The following MYO9A variants were observed in gnomAD, a reference collection of about 807,000 sequenced individuals.
The protein encoded by MYO9A is myosin IXA, also known as unconventional myosin-IXa.
A neutral mutation model predicts 293.3 loss-of-function variants in MYO9A; 103 were observed. The ratio of observed to expected loss-of-function variants is 0.35; its 90% CI spans 0.30 to 0.41. The LOEUF (loss-of-function observed/expected upper bound fraction) is 0.41, where lower values mean the gene tolerates loss of function less well. Among genes scored for constraint, MYO9A ranks in the 10% least tolerant of loss-of-function variants. The pLI, the probability that MYO9A is intolerant of heterozygous loss-of-function variation, is 1.00. For synonymous variants in MYO9A, 1,001 were observed against 1,035.7 expected (o/e 0.97, Z 0.64); for missense variants, 2,685 against 3,033.0 (o/e 0.89, Z 2.69).
intron 14 of MYO9A, among the ~76,000 whole-genome samples, chr15:71,956,150 T>TA (rs1376778592): frequency 6.7e-6 from 1 of 149,286 alleles, no homozygotes; most frequent in African/African-American, 2.5e-5. Context: ...AAAACAAATT[T>TA]AAAAAAAGAA....
At chr15:72,110,690 T>C (rs1360111573) in intron 1 of MYO9A, among the ~76,000 whole-genome samples, 1 of 152,056 alleles carries the variant, frequency 6.6e-6, no homozygotes, top group Non-Finnish European at 1.5e-5. Context: ...AGCATTTCTT[T>C]GCAGTATTTT....
chr15:72,084,704 T>C (rs895258192), intron 1 of MYO9A, among the ~76,000 whole-genome samples: 1 of 152,200 alleles, frequency 6.6e-6, no homozygotes, highest in Admixed American at 6.5e-5. Flanking sequence ...AAGGATCTTA[T>C]TTCCCCTTTG....
At chr15:72,081,367 T>A (rs1329054327) in intron 1 of MYO9A, among the ~76,000 whole-genome samples, 2 of 152,248 alleles carry the variant, frequency 1.3e-5, no homozygotes, top group African/African-American at 4.8e-5. Context: ...TGTCTTCATT[T>A]GAAAAGTGTG....
intron 2 of MYO9A, among the ~76,000 whole-genome samples, chr15:72,043,779 T>C (rs2078297450): frequency 2.0e-5 from 3 of 152,182 alleles, no homozygotes; most frequent in Non-Finnish European, 4.4e-5. Flanking sequence ...GGTGGTTTCA[T>C]GGGTATATAC....
Position 71,826,603 on chromosome 15 carries a change from C to CAAAG in MYO9A, c.7620_7623dup (p.Gly2542LeufsTer4), listed in dbSNP as rs772852223. On this transcript the variant is annotated frameshift_variant, in exon 42 of 42. Transcript: ENST00000356056. LOFTEE classifies it high-confidence loss of function. ...GTTCAGACCATAAATTCATTATTTC[C>CAAAG]AAAGAGTGCTAGCTGTTGGTTGGAG... 1.6e-5 allele frequency: 26 copies of CAAAG among 1,597,116 alleles called. No individual in the cohort carries two copies. Among genetic ancestry groups the CAAAG allele is most frequent in the Non-Finnish European group, 2.0e-5 (23 of 1,174,772 alleles).
chr15:71,974,189 T>A (rs1344552444), intron 12 of MYO9A, among the ~76,000 whole-genome samples: 1 of 152,052 alleles, frequency 6.6e-6, no homozygotes, highest in Non-Finnish European at 1.5e-5. Flanking sequence ...AGAAACACAT[T>A]GTACAGCCTA....
intron 15 of MYO9A, among the ~76,000 whole-genome samples, chr15:71,948,898 ATCTG>A (rs1389102454): frequency 6.8e-6 from 1 of 147,804 alleles, no homozygotes; most frequent in African/African-American, 2.5e-5. Context: ...CTGTCAGTTA[ATCTG>A]TCTGGACTCA....
At chr15:71,924,398 T>C (rs910224910) in intron 18 of MYO9A, among the ~76,000 whole-genome samples, 1 of 151,952 alleles carries the variant, frequency 6.6e-6, no homozygotes, top group African/African-American at 2.4e-5. Context: ...CCTGCCACCA[T>C]GCCTGGCTAA....
intron 25 of MYO9A, among the ~76,000 whole-genome samples, chr15:71,894,108 T>C (rs1372451564): frequency 1.3e-5 from 2 of 152,200 alleles, no homozygotes; most frequent in East Asian, 1.9e-4. Context: ...CCTGAATCTT[T>C]AGAATACTAG....
chr15:71,847,822 G>T (rs2055456569), intron 39 of MYO9A, among the ~76,000 whole-genome samples: 1 of 152,114 alleles, frequency 6.6e-6, no homozygotes, highest in Non-Finnish European at 1.5e-5. Context: ...CCTGCAAAAA[G>T]CCCATGCTTA....
intron 6 of MYO9A, among the ~76,000 whole-genome samples, chr15:72,015,401 C>T (rs1223548142): frequency 3.9e-5 from 6 of 152,154 alleles, no homozygotes; most frequent in African/African-American, 1.4e-4. Flanking sequence ...TCTGAAAGCA[C>T]TATAGGAGGT....
intron 41 of MYO9A, 125 bp downstream of exon 41, chr15:71,827,759 C>T: frequency 8.9e-7 from 1 of 1,125,524 alleles, no homozygotes; most frequent in Non-Finnish European, 1.2e-6. Flanking sequence ...GACAAAATTC[C>T]TCAAGACTTT....
chr15:71,910,306 G>A (rs2057810171), intron 19 of MYO9A, among the ~76,000 whole-genome samples: 1 of 151,168 alleles, frequency 6.6e-6, no homozygotes, highest in Non-Finnish European at 1.5e-5. Context: ...TTACTTTTAA[G>A]ATGATAAGTT....
chr15:72,098,021 A>G (rs1397427903), intron 1 of MYO9A, among the ~76,000 whole-genome samples: 3 of 152,222 alleles, frequency 2.0e-5, no homozygotes, highest in African/African-American at 7.2e-5. Flanking sequence ...AGAAATCAGT[A>G]TAAAAAAGAT....
At chr15:71,929,073 TA>T (rs71133934) in intron 18 of MYO9A, among the ~76,000 whole-genome samples, 29,684 of 139,450 alleles carry the variant, frequency 0.21, 3,088 homozygotes, top group East Asian at 0.42. Flanking sequence ...CTGTCTCTAT[TA>T]AAAAAAAAAA....
At chr15:71,990,408 A>G (rs533509421) in intron 11 of MYO9A, among the ~76,000 whole-genome samples, 37 of 152,194 alleles carry the variant, frequency 2.4e-4, no homozygotes, top group African/African-American at 8.7e-4. Flanking sequence ...AGGGAACTAT[A>G]AAACCTCTGT....
chr15:71,881,374 T>C (rs962858033), intron 28 of MYO9A, among the ~76,000 whole-genome samples: 2 of 152,058 alleles, frequency 1.3e-5, no homozygotes, highest in African/African-American at 2.4e-5. Context: ...TGGTATATCC[T>C]GATTCTATCC....
intron 37 of MYO9A, 111 bp from the exon 38 acceptor site, chr15:71,850,278 T>C (rs2306578): frequency 0.017 from 20,816 of 1,250,936 alleles, 240 homozygotes; most frequent in East Asian, 0.027. Flanking sequence ...ATGAACTGCA[T>C]AGTACTAGAA....
Position 71,951,906 on chromosome 15 carries a change from C to CAA in MYO9A, c.2183-12_2183-11dup. 7.2e-7 allele frequency: 1 copy of CAA among 1,381,170 alleles called. No homozygotes were observed. 85.6% of individuals were successfully genotyped at this position (1,381,170 alleles called of 1,614,324 possible). A position where few individuals can be genotyped will look rare whatever the true frequency, so the allele number is the denominator to read the frequency against. ...GCTGTATCATCATGTCCTTAGGAAG[C>CAA]AAAAAAAAACAAACAAAAAAAAAAG... On this transcript the variant is annotated splice_polypyrimidine_tract_variant and intron_variant, in intron 14 of 41. Transcript: ENST00000356056.
Sources: gnomAD v4.1 joint callset for allele counts (sites outside exome capture counted in the v4.1 genomes callset) on GRCh38, gnomAD v4.1.1 for gene constraint, MANE v1.5 for transcripts, NCBI Gene and HGNC (gene_info 2026-07-23, HGNC 2026-07-21) for gene names.